HPSE2: variants seen among roughly 807,000 people sequenced by gnomAD.
The protein encoded by HPSE2 is heparanase 2 (inactive).
Under a neutral mutation model 60.5 loss-of-function variants are expected in HPSE2, and 38 were observed. That is an observed-to-expected ratio of 0.63 (90% CI 0.48 to 0.82). The LOEUF is 0.82. Among genes scored for constraint, HPSE2 ranks in the 40% least tolerant of loss-of-function variants. HPSE2 has a pLI of 0.00. For synonymous variants in HPSE2, 295 were observed against 293.2 expected (o/e 1.01, Z -0.06); for missense variants, 713 against 740.4 (o/e 0.96, Z 0.43).
chr10:99,280,260 G>A, the HPSE2 span, among the ~76,000 whole-genome samples: 2 of 152,218 alleles, frequency 1.3e-5, no homozygotes, highest in African/African-American at 4.8e-5. Context: ...GTCAGTGAAT[G>A]AACCTGATCA....
intron 9 of HPSE2, among the ~76,000 whole-genome samples, chr10:98,545,922 G>A (rs376871920): frequency 5.3e-5 from 8 of 150,004 alleles, no homozygotes; most frequent in African/African-American, 1.7e-4. Flanking sequence ...TCAGCCCAAA[G>A]TCTCCTTAAG....
At chr10:99,048,316 T>C in intron 3 of HPSE2, 2 of 418,440 alleles carry the variant, frequency 4.8e-6, no homozygotes, top group Non-Finnish European at 8.9e-6. Flanking sequence ...AGACCACCCA[T>C]TTTATTTTTC....
Position 98,826,211 on chromosome 10 carries a change from T to C in HPSE2, c.611-82155A>G, listed in dbSNP as rs188683861. On this transcript the variant is annotated intron_variant, in intron 3 of 11. Coordinates refer to ENST00000370552, the MANE Select transcript of HPSE2 (RefSeq NM_021828.5). ...AGTATTTAGAATGGTGCCAAGTACA[T>C]AGCAGATGCTCAATAAATATTTATT... is the stretch of plus-strand genomic sequence containing the variant. 8.7e-4 allele frequency among the ~76,000 whole-genome samples: 133 copies of C among 152,328 alleles called. No homozygotes were observed. In the East Asian group the frequency reaches 0.024, roughly 27 times the overall value.
chr10:99,209,184 A>G (rs1848869135), intron 2 of HPSE2, among the ~76,000 whole-genome samples: 1 of 152,218 alleles, frequency 6.6e-6, no homozygotes, highest in Non-Finnish European at 1.5e-5. Context: ...CAGCAGCAAA[A>G]CATACATTCT....
At position 99,208,576 on chromosome 10, in the gene HPSE2, T is replaced by C. The variant is rs565926701; in HGVS notation, c.448+23772A>G. On this transcript the variant is annotated intron_variant, in intron 2 of 11. Transcript: ENST00000370552. ...TGGTGCATGCCTATAGTCCCAACTA[T>C]GTGAGAGGAATGAGGTGGGAGGATC... Among the ~76,000 whole-genome samples, 6 of 151,990 alleles carry C rather than the reference T, an allele frequency of 3.9e-5. 1 individual carries two copies. Among genetic ancestry groups the C allele is most frequent in the Non-Finnish European group, 7.4e-5 (5 of 67,978 alleles).
At chr10:98,701,495 TGGGGGGA>T (rs1948406937) in intron 5 of HPSE2, among the ~76,000 whole-genome samples, 1 of 68,768 alleles carries the variant, frequency 1.5e-5, no homozygotes, top group African/African-American at 6.1e-5. Flanking sequence ...TGTTGTGGGG[TGGGGGGA>T]GGGGGGAGGG....
At chr10:98,873,702 A>G (rs1311876003) in intron 3 of HPSE2, among the ~76,000 whole-genome samples, 4 of 152,014 alleles carry the variant, frequency 2.6e-5, no homozygotes, top group African/African-American at 7.2e-5. Flanking sequence ...TTATAGTAGA[A>G]TGATTTCTAT....
intron 3 of HPSE2, among the ~76,000 whole-genome samples, chr10:98,906,997 C>T (rs1462082188): frequency 6.6e-6 from 1 of 152,046 alleles, no homozygotes; most frequent in African/African-American, 2.4e-5. Context: ...TTTGAGTTTA[C>T]TCTATGTTGG....
chr10:99,058,174 C>T (rs1263238904), intron 3 of HPSE2, among the ~76,000 whole-genome samples: 2 of 152,158 alleles, frequency 1.3e-5, no homozygotes, highest in African/African-American at 4.8e-5. Flanking sequence ...AGAGATTCTC[C>T]ACAGCTGGAG....
At chr10:99,189,344 T>G (rs535901314) in intron 2 of HPSE2, among the ~76,000 whole-genome samples, 1 of 152,312 alleles carries the variant, frequency 6.6e-6, no homozygotes, top group East Asian at 1.9e-4. Context: ...AGAGTAAGTT[T>G]AAATGGAAGA....
At chr10:98,944,135 G>T (rs1955108227) in intron 3 of HPSE2, among the ~76,000 whole-genome samples, 1 of 152,176 alleles carries the variant, frequency 6.6e-6, no homozygotes, top group Admixed American at 6.5e-5. Flanking sequence ...GAACAAGAAG[G>T]CAGATCAATT....
intron 9 of HPSE2, among the ~76,000 whole-genome samples, chr10:98,594,728 A>G (rs1479875406): frequency 6.6e-6 from 1 of 152,142 alleles, no homozygotes. Context: ...GATTGTTTCC[A>G]TATCTTGGCT....
chr10:98,561,653 G>C (rs1944186398), intron 9 of HPSE2, among the ~76,000 whole-genome samples: 1 of 152,112 alleles, frequency 6.6e-6, no homozygotes, highest in Non-Finnish European at 1.5e-5. Context: ...TTCGAGACCA[G>C]CCTGGCCAAC....
intron 3 of HPSE2, among the ~76,000 whole-genome samples, chr10:98,935,177 G>C (rs1176906745): frequency 1.4e-5 from 2 of 142,336 alleles, no homozygotes; most frequent in South Asian, 2.1e-4. Flanking sequence ...CTAGTTAACA[G>C]CTCCTGTAAT....
chr10:98,677,513 T>C (rs1045626194), intron 6 of HPSE2, among the ~76,000 whole-genome samples: 2 of 152,224 alleles, frequency 1.3e-5, no homozygotes, highest in Non-Finnish European at 2.9e-5. Context: ...GTATTGTATG[T>C]ACTGAGCCAA....
chr10:99,178,196 A>G (rs1589779949), intron 2 of HPSE2, among the ~76,000 whole-genome samples: 1 of 151,734 alleles, frequency 6.6e-6, no homozygotes, highest in Non-Finnish European at 1.5e-5. Context: ...CTGTAACATC[A>G]CAATTAAAAG....
intron 3 of HPSE2, among the ~76,000 whole-genome samples, chr10:98,864,980 G>A (rs1035548020): frequency 1.3e-5 from 2 of 152,108 alleles, no homozygotes; most frequent in African/African-American, 4.8e-5. Context: ...AATTCTAGCA[G>A]GCAGCAATGA....
At chr10:98,686,684 C>A (rs541050722) in intron 6 of HPSE2, among the ~76,000 whole-genome samples, 2 of 152,290 alleles carry the variant, frequency 1.3e-5, no homozygotes, top group South Asian at 4.1e-4. Context: ...GGATTACAGG[C>A]ACATATATTA....
chr10:99,189,797 T>G (rs1430835295), intron 2 of HPSE2, among the ~76,000 whole-genome samples: 1 of 152,228 alleles, frequency 6.6e-6, no homozygotes, highest in Non-Finnish European at 1.5e-5. Context: ...GCATCTCTTA[T>G]GCGTCCATTT....
Sources: gnomAD v4.1 joint callset for allele counts (sites outside exome capture counted in the v4.1 genomes callset) on GRCh38, gnomAD v4.1.1 for gene constraint, MANE v1.5 for transcripts, NCBI Gene and HGNC (gene_info 2026-07-23, HGNC 2026-07-21) for gene names.